Variants in PKN2 observed in about 807,000 individuals in gnomAD.
PKN2 encodes protein kinase N2.
Under a neutral mutation model 119.1 loss-of-function variants are expected in PKN2, and 38 were observed. That is an observed-to-expected ratio of 0.32 (90% CI 0.25 to 0.42). The LOEUF (loss-of-function observed/expected upper bound fraction) is 0.42, where lower values mean the gene tolerates loss of function less well. Ranked by LOEUF, PKN2 falls within the 10% of genes least tolerant of loss-of-function variation. The pLI is 1.00. For missense variants in PKN2, 850 were observed against 1,165.1 expected, an observed-to-expected ratio of 0.73 and a Z score of 3.94; for synonymous variants, 390 against 384.9, an observed-to-expected ratio of 1.01 and a Z score of -0.15.
chr1:88,710,698 G>C (rs1327968602), intron 1 of PKN2, among the ~76,000 whole-genome samples: 1 of 152,218 alleles, frequency 6.6e-6, no homozygotes, highest in East Asian at 1.9e-4. Flanking sequence ...TACACTGTTG[G>C]TGGAAATGTA....
chr1:88,714,203 A>G (rs1057409014), intron 1 of PKN2, among the ~76,000 whole-genome samples: 4 of 152,176 alleles, frequency 2.6e-5, no homozygotes, highest in African/African-American at 9.7e-5. Context: ...TATAGTTTAA[A>G]TTCAGGTAGC....
intron 1 of PKN2, among the ~76,000 whole-genome samples, chr1:88,689,273 A>G (rs561405909): frequency 5.3e-4 from 81 of 152,310 alleles, no homozygotes; most frequent in African/African-American, 1.8e-3. Flanking sequence ...TCACTTAGAG[A>G]CTGACAGACT....
intron 15 of PKN2, among the ~76,000 whole-genome samples, chr1:88,811,628 T>A (rs1382060552): frequency 3.9e-5 from 6 of 152,172 alleles, no homozygotes; most frequent in Non-Finnish European, 7.3e-5. Flanking sequence ...CCCTATTTTA[T>A]TAAACAGCAA....
intron 8 of PKN2, among the ~76,000 whole-genome samples, chr1:88,794,240 G>T (rs1309453835): frequency 6.6e-6 from 1 of 152,040 alleles, no homozygotes; most frequent in African/African-American, 2.4e-5. Flanking sequence ...GGTGGCACAT[G>T]CCTGTAGTCC....
chr1:88,746,449 C>T (rs1236525567), intron 2 of PKN2, among the ~76,000 whole-genome samples: 9 of 151,726 alleles, frequency 5.9e-5, no homozygotes, highest in Non-Finnish European at 2.9e-5. Flanking sequence ...GGCAAAGGAC[C>T]TGAGTAGACA....
chr1:88,722,555 G>A (rs1440322118), intron 1 of PKN2, among the ~76,000 whole-genome samples: 2 of 151,996 alleles, frequency 1.3e-5, no homozygotes, highest in East Asian at 3.9e-4. Context: ...CAGGAGAATC[G>A]CTTGAGCCAG....
At chr1:88,782,906 T>G (rs1670407457) in intron 6 of PKN2, among the ~76,000 whole-genome samples, 1 of 152,228 alleles carries the variant, frequency 6.6e-6, no homozygotes, top group Non-Finnish European at 1.5e-5. Context: ...TAAATGTTCT[T>G]GAGCTTTGTT....
intron 15 of PKN2, among the ~76,000 whole-genome samples, chr1:88,811,515 A>G (rs1671782241): frequency 6.6e-6 from 1 of 152,208 alleles, no homozygotes; most frequent in Non-Finnish European, 1.5e-5. Context: ...AATAAGCAAT[A>G]CAAACAATAG....
intron 6 of PKN2, among the ~76,000 whole-genome samples, chr1:88,778,775 G>C (rs553826797): frequency 6.6e-6 from 1 of 151,552 alleles, no homozygotes; most frequent in African/African-American, 2.4e-5. Flanking sequence ...GTGCAGTGGC[G>C]TGATCTCCGC....
intron 8 of PKN2, among the ~76,000 whole-genome samples, chr1:88,792,327 T>TG: frequency 6.6e-6 from 1 of 152,226 alleles, no homozygotes; most frequent in East Asian, 1.9e-4. Flanking sequence ...CGCTTGAACC[T>TG]GGGAGGCAGA....
intron 3 of PKN2, among the ~76,000 whole-genome samples, chr1:88,760,906 G>A (rs1020813010): frequency 8.6e-5 from 13 of 151,982 alleles, no homozygotes; most frequent in African/African-American, 1.9e-4. Flanking sequence ...CAACTTTTCC[G>A]TAAATCTAAA....
chr1:88,714,396 G>C (rs1167018641), intron 1 of PKN2, among the ~76,000 whole-genome samples: 1 of 152,146 alleles, frequency 6.6e-6, no homozygotes, highest in African/African-American at 2.4e-5. Flanking sequence ...TCACGATATT[G>C]ATTCTTCCTA....
At chr1:88,786,935 A>G (rs1670601533) in intron 8 of PKN2, among the ~76,000 whole-genome samples, 1 of 150,362 alleles carries the variant, frequency 6.7e-6, no homozygotes. Context: ...CTAAGCCTCT[A>G]CTTTTAAAAC....
intron 1 of PKN2, among the ~76,000 whole-genome samples, chr1:88,699,432 A>C (rs1570492160): frequency 6.6e-6 from 1 of 152,006 alleles, no homozygotes; most frequent in Non-Finnish European, 1.5e-5. Flanking sequence ...TCCAACTTTC[A>C]AGTTCTGGGG....
chr1:88,784,935 T>C (rs549890137), intron 7 of PKN2, 111 bp downstream of exon 7: 1 of 533,960 alleles, frequency 1.9e-6, no homozygotes, highest in Non-Finnish European at 3.0e-6. Context: ...TTTTTATAAT[T>C]TAATTAAAAA....
intron 1 of PKN2, among the ~76,000 whole-genome samples, chr1:88,722,532 T>C (rs1667723957): frequency 6.6e-6 from 1 of 152,088 alleles, no homozygotes; most frequent in African/African-American, 2.4e-5. Flanking sequence ...AATATCACTT[T>C]GAGAGGCTAA....
At chr1:88,690,186 T>G (rs1183097766) in intron 1 of PKN2, among the ~76,000 whole-genome samples, 1 of 152,244 alleles carries the variant, frequency 6.6e-6, no homozygotes, top group African/African-American at 2.4e-5. Context: ...AGACATCATC[T>G]CTTTATCCCA....
intron 1 of PKN2, among the ~76,000 whole-genome samples, chr1:88,685,917 T>G (rs1666075719): frequency 6.6e-6 from 1 of 152,178 alleles, no homozygotes; most frequent in Non-Finnish European, 1.5e-5. Context: ...TTGAAAACTT[T>G]GGTATAATGG....
chr1:88,819,165 C>T (rs1356128192), intron 16 of PKN2, among the ~76,000 whole-genome samples: 1 of 152,082 alleles, frequency 6.6e-6, no homozygotes, highest in Non-Finnish European at 1.5e-5. Flanking sequence ...GCAACCAAAG[C>T]CAAAATTAAC....
Sources: gnomAD v4.1 joint callset for allele counts (sites outside exome capture counted in the v4.1 genomes callset) on GRCh38, gnomAD v4.1.1 for gene constraint, MANE v1.5 for transcripts, NCBI Gene and HGNC (gene_info 2026-07-23, HGNC 2026-07-21) for gene names.